The following OR2I1 variants were observed in gnomAD, a reference collection of about 807,000 sequenced individuals.
The protein encoded by OR2I1 is putative olfactory receptor 2I1.
At chr6:29,551,152 C>G in the OR2I1 span, among the ~76,000 whole-genome samples, 1 of 152,174 alleles carries the variant, frequency 6.6e-6, no homozygotes, top group Non-Finnish European at 1.5e-5. Flanking sequence ...CCAGGCTGAA[C>G]AGTTATGTGT....
chr6:29,556,045 T>A, the OR2I1 span: 1 of 1,613,006 alleles, frequency 6.2e-7, no homozygotes, highest in Non-Finnish European at 8.5e-7. Flanking sequence ...CTTGTGCCAC[T>A]GAGCTGGACC....
the OR2I1 span, chr6:29,555,521 C>T: frequency 4.2e-6 from 1 of 237,890 alleles, no homozygotes; most frequent in Non-Finnish European, 8.1e-6. Flanking sequence ...ACATGGATCC[C>T]AACCTAAAAC....
the OR2I1 span, chr6:29,553,152 CCTTTG>C: frequency 6.0e-5 from 24 of 398,180 alleles, no homozygotes; most frequent in Non-Finnish European, 9.7e-5. Context: ...CAAGGTTTTC[CCTTTG>C]CTTATAAGGG....
the OR2I1 span, chr6:29,556,365 C>T: frequency 6.3e-7 from 1 of 1,598,754 alleles, no homozygotes; most frequent in Non-Finnish European, 8.5e-7. Context: ...GAAGTGAAAG[C>T]CACAAGACAG....
At chr6:29,552,166 TG>T in the OR2I1 span, among the ~76,000 whole-genome samples, 1 of 152,210 alleles carries the variant, frequency 6.6e-6, no homozygotes, top group Non-Finnish European at 1.5e-5. Context: ...TTTTGTTCCC[TG>T]GGGTTCTCTT....
At chr6:29,553,733 T>C in the OR2I1 span, 3 of 398,480 alleles carry the variant, frequency 7.5e-6, no homozygotes, top group Admixed American at 4.4e-5. Flanking sequence ...GCGCCCCGCC[T>C]GCTGGACCAC....
the OR2I1 span, chr6:29,553,324 C>T: frequency 5.0e-6 from 2 of 399,562 alleles, no homozygotes; most frequent in African/African-American, 4.1e-5. Context: ...GTGCTACCTC[C>T]TGACCTTGAC....
At chr6:29,551,936 T>C in the OR2I1 span, among the ~76,000 whole-genome samples, 1 of 152,232 alleles carries the variant, frequency 6.6e-6, no homozygotes, top group Admixed American at 6.5e-5. Context: ...GAGCAGTGTT[T>C]TTTCCCTCTG....
chr6:29,554,575 A>T, the OR2I1 span: 1 of 157,234 alleles, frequency 6.4e-6, no homozygotes, highest in Non-Finnish European at 1.4e-5. Flanking sequence ...CATGGACTCT[A>T]TTCTCAGAAA....
the OR2I1 span, chr6:29,554,228 G>A: frequency 2.5e-6 from 1 of 398,306 alleles, no homozygotes; most frequent in African/African-American, 2.1e-5. Context: ...CCCTTAGTGA[G>A]TCAGTTTAGA....
chr6:29,555,090 G>C, the OR2I1 span: 2 of 152,200 alleles, frequency 1.3e-5, no homozygotes, highest in African/African-American at 2.4e-5. Context: ...GAGAGAGGGT[G>C]GTCCACAGTC....
chr6:29,556,010 G>A, the OR2I1 span: 472 of 1,613,046 alleles, frequency 2.9e-4, 2 homozygotes, highest in African/African-American at 2.1e-3. Context: ...GATTATACCC[G>A]TCTTAGTCTC....
the OR2I1 span, among the ~76,000 whole-genome samples, chr6:29,552,250 G>A: frequency 6.6e-6 from 1 of 152,210 alleles, no homozygotes; most frequent in East Asian, 1.9e-4. Flanking sequence ...ATGACATCTA[G>A]TTCAAACTCC....
At chr6:29,553,452 G>A in the OR2I1 span, 1 of 398,772 alleles carries the variant, frequency 2.5e-6, no homozygotes, top group Non-Finnish European at 4.4e-6. Context: ...GCGTGGTGCC[G>A]CCGCTGCTGG....
the OR2I1 span, chr6:29,556,252 C>A: frequency 6.2e-7 from 1 of 1,612,994 alleles, no homozygotes; most frequent in African/African-American, 1.3e-5. Context: ...GCACAGGAAC[C>A]TTGGTCTTAG....
chr6:29,553,343 C>A, the OR2I1 span: 7 of 399,296 alleles, frequency 1.8e-5, no homozygotes, highest in Non-Finnish European at 2.6e-5. Context: ...ACGGGCAACT[C>A]GGCGCTGGTG....
chr6:29,556,201 T>C, the OR2I1 span: 1 of 1,613,136 alleles, frequency 6.2e-7, no homozygotes, highest in Non-Finnish European at 8.5e-7. Context: ...GGCTTCTCCG[T>C]GGCTTTAAGA....
At chr6:29,553,200 CA>C in the OR2I1 span, 2 of 398,608 alleles carry the variant, frequency 5.0e-6, no homozygotes, top group Non-Finnish European at 8.8e-6. Context: ...ACCTTCCAAA[CA>C]TTCTGGGAGT....
At chr6:29,554,280 T>C in the OR2I1 span, 1 of 397,724 alleles carries the variant, frequency 2.5e-6, no homozygotes. Context: ...GCAAGATTTG[T>C]CCTAAGGAGT....
Sources: allele counts gnomAD v4.1 joint callset (sites outside exome capture counted in the v4.1 genomes callset), GRCh38; gene constraint gnomAD v4.1.1; transcripts MANE v1.5; gene names NCBI Gene and HGNC (gene_info 2026-07-23, HGNC 2026-07-21).